ST18: variants seen among roughly 807,000 people sequenced by gnomAD.
ST18 encodes suppression of tumorigenicity 18 protein.
In ST18, 50 loss-of-function variants were observed where a neutral mutation model predicts 110.0. That is an observed-to-expected ratio of 0.45 (90% CI 0.36 to 0.58). The LOEUF (loss-of-function observed/expected upper bound fraction) is 0.58. Ranked by LOEUF, ST18 falls within the 20% of genes least tolerant of loss-of-function variation. The pLI, the probability that ST18 is intolerant of heterozygous loss-of-function variation, is 0.00. For missense variants in ST18, 1,306 were observed against 1,280.1 expected (o/e 1.02, Z -0.31); for synonymous variants, 461 against 452.4 (o/e 1.02, Z -0.24).
In ST18 at chr8:52,163,979, T is replaced by G. The variant is rs1177688544; in HGVS notation, c.1400+7A>C. On this transcript the variant is annotated splice_region_variant and intron_variant, in intron 13 of 25. Coordinates refer to ENST00000689386, the MANE Select transcript of ST18 (RefSeq NM_001352837.2). ...AGAGCACTGAGAACATCGTTAGGGG[T>G]TCATACCTGTGGGCCTGGTCAGGAC... 6.2e-7 allele frequency: 1 copy of G among 1,610,440 alleles called. No individual in the cohort carries two copies. Among genetic ancestry groups the G allele is most frequent in the African/African-American group, 1.3e-5 (1 of 74,768 alleles).
intron 23 of ST18, among the ~76,000 whole-genome samples, chr8:52,121,585 A>C (rs1233822209): frequency 1.3e-5 from 2 of 152,218 alleles, no homozygotes; most frequent in Non-Finnish European, 2.9e-5. Flanking sequence ...ATGAGGTAGA[A>C]ACATTTATTA....
chr8:52,236,543 G>A (rs977229309), intron 2 of ST18, among the ~76,000 whole-genome samples: 9 of 151,540 alleles, frequency 5.9e-5, no homozygotes, highest in South Asian at 4.2e-4. Flanking sequence ...CCCAGGAGGC[G>A]GAGGTTGCAG....
intron 3 of ST18, among the ~76,000 whole-genome samples, chr8:52,225,807 T>C (rs1003208172): frequency 5.9e-5 from 9 of 152,200 alleles, no homozygotes; most frequent in Admixed American, 1.3e-4. Context: ...AAATGTACAG[T>C]GAGTGCTGAT....
chr8:52,118,345 T>C lies in ST18; in HGVS notation c.2852A>G (p.Gln951Arg). ...LKIEADMMKL[Q>R]TQITSMESNL... is the part of the protein sequence containing the mutation. Reference sequence around the variant, plus strand: ...ATTACTTCTTTTTTTTACCTGGGTCTGAAGTTTCATCATATCTGCTTCAAT... The same window carrying C: ...ATTACTTCTTTTTTTTACCTGGGTCCGAAGTTTCATCATATCTGCTTCAAT... The change falls in exon 24 of 26, where the codon CAG becomes CGG. Residue 951 changes from glutamine (Q) to arginine (R), a missense_variant. Coordinates refer to ENST00000689386, the MANE Select transcript of ST18 (RefSeq NM_001352837.2). The C allele has an allele frequency of 6.2e-7, 1 of 1,600,518 alleles. No individual in the cohort carries two copies. Among genetic ancestry groups the C allele is most frequent in the Non-Finnish European group, 8.5e-7 (1 of 1,172,714 alleles).
intron 2 of ST18, among the ~76,000 whole-genome samples, chr8:52,262,554 C>G (rs778300589): frequency 6.6e-6 from 1 of 152,232 alleles, no homozygotes; most frequent in Non-Finnish European, 1.5e-5. Flanking sequence ...ACACAACTTT[C>G]CTCACAAAAC....
chr8:52,306,980 T>G (rs2095823848), intron 2 of ST18, among the ~76,000 whole-genome samples: 1 of 152,204 alleles, frequency 6.6e-6, no homozygotes, highest in Non-Finnish European at 1.5e-5. Flanking sequence ...AACTAGGGTC[T>G]GAATGTTCTC....
intron 6 of ST18, among the ~76,000 whole-genome samples, chr8:52,217,233 A>G (rs2084660171): frequency 6.6e-6 from 1 of 152,114 alleles, no homozygotes; most frequent in Non-Finnish European, 1.5e-5. Context: ...ATTCTCATAT[A>G]CCTCATTATA....
chr8:52,126,258 C>T, intron 22 of ST18, 118 bp from the exon 23 acceptor site: 2 of 959,428 alleles, frequency 2.1e-6, no homozygotes, highest in Non-Finnish European at 3.1e-6. Flanking sequence ...ACATTATAAC[C>T]CACAGTCTCT....
rs16917353 is a variant in ST18, at chr8:52,163,255, C to T, written c.1400+731G>A. Among the ~76,000 whole-genome samples the T allele has an allele frequency of 3.3e-3, 505 of 152,164 alleles. 3 individuals carry two copies. Among genetic ancestry groups the T allele is most frequent in the East Asian group, 0.017 (89 of 5,180 alleles). On this transcript the variant is annotated intron_variant, in intron 13 of 25. Coordinates refer to ENST00000689386, the MANE Select transcript of ST18 (RefSeq NM_001352837.2). ...ATAGAAGCAAAATATTAAGGGAAGC[C>T]GTATCTTGAAAACGTTGAAATGTCT...
chr8:52,288,551 T>A (rs1257535197), intron 2 of ST18, among the ~76,000 whole-genome samples: 2 of 151,556 alleles, frequency 1.3e-5, no homozygotes, highest in Non-Finnish European at 2.9e-5. Flanking sequence ...AATACAAAAA[T>A]TAGCTGGGCG....
At chr8:52,143,935 T>G (rs2056271248) in intron 16 of ST18, among the ~76,000 whole-genome samples, 1 of 152,224 alleles carries the variant, frequency 6.6e-6, no homozygotes, top group Non-Finnish European at 1.5e-5. Context: ...ATAATTGCTT[T>G]TATTTTTATA....
At chr8:52,272,664 G>T (rs1026732766) in intron 2 of ST18, among the ~76,000 whole-genome samples, 1 of 152,190 alleles carries the variant, frequency 6.6e-6, no homozygotes, top group Non-Finnish European at 1.5e-5. Context: ...CAGTGTGGTG[G>T]TTCCTCAGGA....
At chr8:52,316,961 C>G (rs184110054) in intron 2 of ST18, among the ~76,000 whole-genome samples, 7 of 152,206 alleles carry the variant, frequency 4.6e-5, no homozygotes, top group East Asian at 1.9e-4. Flanking sequence ...CTTAAAGAAG[C>G]CTTCATCTCT....
At chr8:52,255,716 G>T (rs1589365016) in intron 2 of ST18, among the ~76,000 whole-genome samples, 1 of 152,112 alleles carries the variant, frequency 6.6e-6, no homozygotes, top group East Asian at 1.9e-4. Context: ...TTAGAAAAAA[G>T]ACATGAATAA....
At chr8:52,303,416 T>C (rs1159114994) in intron 2 of ST18, among the ~76,000 whole-genome samples, 1 of 152,260 alleles carries the variant, frequency 6.6e-6, no homozygotes, top group African/African-American at 2.4e-5. Flanking sequence ...TAATCCAGCA[T>C]GACCTTATCT....
At chr8:52,364,958 A>C (rs571706825) in intron 2 of ST18, among the ~76,000 whole-genome samples, 1 of 152,190 alleles carries the variant, frequency 6.6e-6, no homozygotes, top group East Asian at 1.9e-4. Flanking sequence ...TAAAAATACA[A>C]AAATTAGCCA....
chr8:52,377,077 A>G (rs1463211670), intron 2 of ST18, among the ~76,000 whole-genome samples: 1 of 152,230 alleles, frequency 6.6e-6, no homozygotes, highest in Non-Finnish European at 1.5e-5. Context: ...AGATCAAGGG[A>G]GCACCATAAC....
At chr8:52,150,021 G>C in intron 15 of ST18, 44 bp from the exon 16 acceptor site, 1 of 1,581,858 alleles carries the variant, frequency 6.3e-7, no homozygotes, top group Non-Finnish European at 8.6e-7. Flanking sequence ...GCAGTTTGCA[G>C]TTACAGCCTA....
At chr8:52,262,991 C>A (rs2094743274) in intron 2 of ST18, among the ~76,000 whole-genome samples, 1 of 152,218 alleles carries the variant, frequency 6.6e-6, no homozygotes, top group South Asian at 2.1e-4. Context: ...CTGTTTTTCT[C>A]CTGAAGCCCA....
Sources: gnomAD v4.1 joint callset for allele counts (sites outside exome capture counted in the v4.1 genomes callset) on GRCh38, gnomAD v4.1.1 for gene constraint, MANE v1.5 for transcripts, NCBI Gene and HGNC (gene_info 2026-07-23, HGNC 2026-07-21) for gene names.